Variants in AFF3 observed in about 807,000 individuals in gnomAD.
AFF3 encodes the protein AF4/FMR2 family member 3.
In AFF3, 32 loss-of-function variants were observed where a neutral mutation model predicts 129.7. The observed-to-expected ratio is 0.25, with a 90% CI of 0.19 to 0.33. The LOEUF is 0.33. Ranked by LOEUF, AFF3 falls within the 10% of genes least tolerant of loss-of-function variation. The pLI is 1.00. For missense variants in AFF3, 1,373 were observed against 1,592.0 expected (o/e 0.86, Z 2.34); for synonymous variants, 644 against 635.4 (o/e 1.01, Z -0.20).
chr2:100,055,520 T>C (rs1401067975), intron 4 of AFF3, among the ~76,000 whole-genome samples: 1 of 151,472 alleles, frequency 6.6e-6, no homozygotes, highest in Admixed American at 6.6e-5. Context: ...GCTCAACCTC[T>C]GATTCTGATT....
At chr2:99,772,263 T>C (rs1048583028) in intron 8 of AFF3, among the ~76,000 whole-genome samples, 2 of 152,222 alleles carry the variant, frequency 1.3e-5, no homozygotes, top group African/African-American at 4.8e-5. Flanking sequence ...AGCTTTGTTC[T>C]GACCAGGCCG....
intron 7 of AFF3, among the ~76,000 whole-genome samples, chr2:99,859,257 G>A (rs1690786011): frequency 6.6e-6 from 1 of 152,222 alleles, no homozygotes; most frequent in Non-Finnish European, 1.5e-5. Context: ...GGAGCTATCT[G>A]CAGACATGCC....
chr2:99,774,081 A>G (rs1683701741), intron 8 of AFF3, among the ~76,000 whole-genome samples: 1 of 152,230 alleles, frequency 6.6e-6, no homozygotes, highest in African/African-American at 2.4e-5. Flanking sequence ...CAAAGAAATC[A>G]GAGATGACAC....
At chr2:99,967,422 A>C (rs1265821966) in intron 7 of AFF3, among the ~76,000 whole-genome samples, 1 of 152,176 alleles carries the variant, frequency 6.6e-6, no homozygotes, top group Non-Finnish European at 1.5e-5. Flanking sequence ...TGTTGCATTA[A>C]ATTTGAACCA....
intron 4 of AFF3, among the ~76,000 whole-genome samples, chr2:100,101,538 T>A (rs1205809799): frequency 6.9e-6 from 1 of 144,922 alleles, no homozygotes; most frequent in Non-Finnish European, 1.5e-5. Context: ...TTAACAGGTA[T>A]ACTTTCCTAA....
intron 4 of AFF3, among the ~76,000 whole-genome samples, chr2:100,042,991 A>G (rs1685559196): frequency 6.6e-6 from 1 of 152,172 alleles, no homozygotes; most frequent in Non-Finnish European, 1.5e-5. Context: ...TAGTAGAAAA[A>G]TCATCCATGG....
At chr2:99,782,517 C>G (rs1684492909) in intron 8 of AFF3, among the ~76,000 whole-genome samples, 1 of 152,236 alleles carries the variant, frequency 6.6e-6, no homozygotes. Flanking sequence ...CCGCGGCAAT[C>G]CATCTGAAAC....
chr2:99,958,528 T>C (rs1488846252), intron 7 of AFF3, among the ~76,000 whole-genome samples: 1 of 146,920 alleles, frequency 6.8e-6, no homozygotes, highest in East Asian at 2.0e-4. Context: ...CACAATTCAA[T>C]AAATATTTAC....
At chr2:99,679,251 CCCGGGGAGGG>C in intron 11 of AFF3, among the ~76,000 whole-genome samples, 1 of 152,186 alleles carries the variant, frequency 6.6e-6, no homozygotes, top group Non-Finnish European at 1.5e-5. Flanking sequence ...CTCCCTCCCT[CCCGGGGAGGG>C]ATTGTCAGTG....
intron 8 of AFF3, among the ~76,000 whole-genome samples, chr2:99,764,297 G>A (rs1225338488): frequency 6.6e-6 from 1 of 152,036 alleles, no homozygotes; most frequent in East Asian, 1.9e-4. Flanking sequence ...CAGCTTCCCT[G>A]GAAACTGAAC....
intron 13 of AFF3, among the ~76,000 whole-genome samples, chr2:99,602,886 A>G (rs571315587): frequency 6.6e-6 from 1 of 152,310 alleles, no homozygotes; most frequent in South Asian, 2.1e-4. Context: ...TACTCATTGG[A>G]GCTTTGTTTC....
chr2:99,649,479 CATG>C, intron 13 of AFF3, 144 bp downstream of exon 13: 2 of 851,930 alleles, frequency 2.3e-6, no homozygotes, highest in Middle Eastern at 5.7e-4. Context: ...TCCACACATG[CATG>C]ATAAATCCAA....
At chr2:99,609,428 T>G (rs1430460882) in intron 13 of AFF3, among the ~76,000 whole-genome samples, 1 of 152,176 alleles carries the variant, frequency 6.6e-6, no homozygotes, top group East Asian at 1.9e-4. Context: ...ATCATTCTTA[T>G]GCCTTTGCAT....
intron 8 of AFF3, among the ~76,000 whole-genome samples, chr2:99,781,310 C>T (rs116257729): frequency 8.5e-4 from 130 of 152,302 alleles, no homozygotes; most frequent in African/African-American, 3.0e-3. Flanking sequence ...ATTCTCTATT[C>T]CCTCACCTTG....
At chr2:99,995,379 CT>C (rs202207607) in intron 7 of AFF3, among the ~76,000 whole-genome samples, 56 of 146,636 alleles carry the variant, frequency 3.8e-4, no homozygotes, top group Admixed American at 6.8e-4. Flanking sequence ...TCATCTATTC[CT>C]TTTTTTTTTT....
intron 10 of AFF3, among the ~76,000 whole-genome samples, chr2:99,742,681 TCTAG>T (rs1680816415): frequency 6.6e-6 from 1 of 152,194 alleles, no homozygotes; most frequent in Non-Finnish European, 1.5e-5. Flanking sequence ...GAATTCAAAT[TCTAG>T]CTGTCATTTT....
At chr2:99,591,824 TA>T (rs1678710584) in intron 15 of AFF3, among the ~76,000 whole-genome samples, 2 of 152,236 alleles carry the variant, frequency 1.3e-5, no homozygotes, top group Non-Finnish European at 2.9e-5. Flanking sequence ...CCTTAGGACC[TA>T]TGTAACCTTG....
intron 13 of AFF3, among the ~76,000 whole-genome samples, chr2:99,645,418 G>A (rs1013847525): frequency 6.6e-6 from 1 of 152,100 alleles, no homozygotes; most frequent in Non-Finnish European, 1.5e-5. Flanking sequence ...ATTTCTGGGG[G>A]ACATAAATGG....
At chr2:99,789,380 C>T (rs1452338207) in intron 8 of AFF3, among the ~76,000 whole-genome samples, 2 of 136,014 alleles carry the variant, frequency 1.5e-5, no homozygotes, top group Non-Finnish European at 3.0e-5. Flanking sequence ...TTCAAGAGTT[C>T]GAGGCTGCAG....
Sources: allele counts gnomAD v4.1 joint callset (sites outside exome capture counted in the v4.1 genomes callset), GRCh38; gene constraint gnomAD v4.1.1; transcripts MANE v1.5; gene names NCBI Gene and HGNC (gene_info 2026-07-23, HGNC 2026-07-21).